EGFLAM: variants seen among roughly 807,000 people sequenced by gnomAD.
EGFLAM encodes pikachurin.
EGFLAM carries 79 observed loss-of-function variants against 113.1 expected under a neutral mutation model. The observed-to-expected ratio is 0.70, with a 90% CI of 0.58 to 0.84. EGFLAM has a LOEUF of 0.84. EGFLAM is among the 40% of genes least tolerant of loss of function. The pLI is 0.00. For synonymous variants in EGFLAM, 504 were observed against 487.6 expected (o/e 1.03, Z -0.44); for missense variants, 1,265 against 1,291.6 (o/e 0.98, Z 0.32).
rs386403622 is a variant in EGFLAM at position 38,375,716 on chromosome 5, G to GA, written c.712+5254_712+5255insA. Among the ~76,000 whole-genome samples the GA allele has an allele frequency of 3.3e-5, 5 of 151,694 alleles. No homozygotes were observed. The East Asian group carries it at 9.7e-4, about 29-fold the overall frequency. On this transcript the variant is annotated intron_variant, in intron 6 of 21. Coordinates refer to ENST00000322350, the MANE Select transcript of EGFLAM (RefSeq NM_152403.4). ...TGTGCTGGTAGTTAATGAAAGCCAG[G>GA]CCCAGTGTTTTCATTAACTGGCACT...
intron 1 of EGFLAM, among the ~76,000 whole-genome samples, chr5:38,281,371 TAA>T (rs5867401): frequency 1.3e-5 from 2 of 151,266 alleles, no homozygotes; most frequent in Non-Finnish European, 2.9e-5. Flanking sequence ...AATAATTTTA[TAA>T]AAAAAAATCA....
intron 17 of EGFLAM, chr5:38,445,567 T>G (rs1297128834): frequency 6.3e-7 from 1 of 1,595,104 alleles, no homozygotes; most frequent in Admixed American, 1.7e-5. Context: ...GGCAGAGCTT[T>G]GTGAGAGAAA....
chr5:38,285,117 A>G (rs1758124402), intron 1 of EGFLAM, among the ~76,000 whole-genome samples: 1 of 152,128 alleles, frequency 6.6e-6, no homozygotes, highest in Admixed American at 6.6e-5. Context: ...TTTATTATAT[A>G]TTTTTTCACT....
At chr5:38,297,130 G>A (rs1234082520) in intron 1 of EGFLAM, among the ~76,000 whole-genome samples, 1 of 152,118 alleles carries the variant, frequency 6.6e-6, no homozygotes, top group Non-Finnish European at 1.5e-5. Flanking sequence ...ACAGAAAAAG[G>A]ACATTAGTGG....
chr5:38,406,980 C>T lies in EGFLAM; in HGVS notation c.981C>T (p.Pro327=), dbSNP rs182403368. The T allele has an allele frequency of 2.5e-6, 4 of 1,614,188 alleles. No individual in the cohort carries two copies. Among genetic ancestry groups the T allele is most frequent in the Non-Finnish European group, 3.4e-6 (4 of 1,180,026 alleles). ...PVTTVAPQPI[P]IQRKGKNGVA... ...CCACGGTGGCTCCCCAGCCCATTCC[C>T]ATACAGAGAAAGGGGAAGAATGGTG... The change falls in exon 8 of 22, where the codon CCC becomes CCT. Residue 327 remains proline (P), a synonymous_variant. Transcript: ENST00000322350.
chr5:38,259,361 G>A (rs1302053488), intron 1 of EGFLAM, among the ~76,000 whole-genome samples: 1 of 152,190 alleles, frequency 6.6e-6, no homozygotes, highest in Non-Finnish European at 1.5e-5. Context: ...CCACTCTGGG[G>A]CCATTTGTTC....
intron 6 of EGFLAM, among the ~76,000 whole-genome samples, chr5:38,376,054 T>C (rs886446316): frequency 6.6e-6 from 1 of 152,062 alleles, no homozygotes. Context: ...CCCATCCTGC[T>C]GTATTTTTTT....
At chr5:38,385,567 T>G (rs2112074022) in intron 6 of EGFLAM, among the ~76,000 whole-genome samples, 1 of 152,198 alleles carries the variant, frequency 6.6e-6, no homozygotes, top group East Asian at 1.9e-4. Flanking sequence ...GTGGGTTAGT[T>G]GAATCTGCAG....
chr5:38,298,457 A>G (rs1758499469), intron 1 of EGFLAM, among the ~76,000 whole-genome samples: 1 of 152,110 alleles, frequency 6.6e-6, no homozygotes, highest in Non-Finnish European at 1.5e-5. Flanking sequence ...CACTTCCACA[A>G]GCCCCAATTC....
intron 6 of EGFLAM, among the ~76,000 whole-genome samples, chr5:38,390,494 G>A (rs1740781433): frequency 6.6e-6 from 1 of 151,300 alleles, no homozygotes; most frequent in African/African-American, 2.5e-5. Flanking sequence ...GTGTACAAGA[G>A]CTTTCTTCAG....
In EGFLAM at chr5:38,338,325, T is replaced by C. The variant is rs529278019; in HGVS notation, c.208-373T>C. Among the ~76,000 whole-genome samples the C allele has an allele frequency of 5.2e-3, 791 of 152,296 alleles. 12 individuals carry two copies. The highest frequency in any genetic ancestry group is 0.018 in the African/African-American group (758 of 41,554). ...CCATTTCACCAAGGGACAGTAGCCG[T>C]TGATCATGGCCCTCATCCTATTGTT... On this transcript the variant is annotated intron_variant, in intron 2 of 21. Transcript: ENST00000322350.
chr5:38,421,378 T>C (rs1450045417), intron 12 of EGFLAM, among the ~76,000 whole-genome samples: 1 of 152,246 alleles, frequency 6.6e-6, no homozygotes, highest in Non-Finnish European at 1.5e-5. Flanking sequence ...CACTCATTTA[T>C]GCCAATCCCA....
rs1742303946 is a variant in EGFLAM, at chr5:38,435,180, G to A, written c.2210G>A (p.Gly737Asp). ...AAGTGCAACACAGACATTTTCATTGGCGGAGTCCCCAATTATGATGATGTG... is the reference window on the plus strand; with the variant it reads ...AAGTGCAACACAGACATTTTCATTGACGGAGTCCCCAATTATGATGATGTG... Reference protein sequence around the residue: ...QIKCNTDIFIGGVPNYDDVKK... With the variant: ...QIKCNTDIFIDGVPNYDDVKK... The change falls in exon 16 of 22, where the codon GGC becomes GAC. Residue 737 changes from glycine to aspartate, a missense_variant. Physicochemically the swap from Gly to Asp is moderately conservative, Grantham distance 94. Coordinates refer to ENST00000322350, the MANE Select transcript of EGFLAM (RefSeq NM_152403.4). 6.2e-7 allele frequency: 1 copy of A among 1,614,090 alleles called. No homozygotes were observed. Among genetic ancestry groups the A allele is most frequent in the Non-Finnish European group, 8.5e-7 (1 of 1,179,998 alleles).
Position 38,418,270 on chromosome 5 carries a change from G to A in EGFLAM, c.1684+15G>A, listed in dbSNP as rs1741717811. ...GGCTGATGTGGGTAAGTGGCTGCCT[G>A]GTGGGTTGGGGTACTCTTATGGGAC... On this transcript the variant is annotated intron_variant, in intron 12 of 21. Transcript: ENST00000322350. The A allele has an allele frequency of 6.2e-7, 1 of 1,613,210 alleles. No individual in the cohort carries two copies. Among genetic ancestry groups the A allele is most frequent in the Non-Finnish European group, 8.5e-7 (1 of 1,179,572 alleles).
intron 17 of EGFLAM, among the ~76,000 whole-genome samples, chr5:38,440,343 G>A (rs1742492887): frequency 6.6e-6 from 1 of 152,158 alleles, no homozygotes; most frequent in Non-Finnish European, 1.5e-5. Context: ...TATATCAGAG[G>A]TATGGCCCCT....
chr5:38,310,545 C>T (rs959492730), intron 1 of EGFLAM, among the ~76,000 whole-genome samples: 1 of 151,986 alleles, frequency 6.6e-6, no homozygotes, highest in Non-Finnish European at 1.5e-5. Context: ...TCCTTTCTTC[C>T]CTCCTACCTT....
At chr5:38,389,915 G>A (rs997905028) in intron 6 of EGFLAM, among the ~76,000 whole-genome samples, 5 of 152,080 alleles carry the variant, frequency 3.3e-5, no homozygotes, top group African/African-American at 1.2e-4. Flanking sequence ...ATTATTGTAG[G>A]TATGGATTTT....
chr5:38,330,858 C>T (rs940184841), intron 1 of EGFLAM, among the ~76,000 whole-genome samples: 2 of 152,142 alleles, frequency 1.3e-5, no homozygotes, highest in African/African-American at 4.8e-5. Flanking sequence ...CTTCGCTTAG[C>T]AATAAATGTG....
At chr5:38,284,604 C>T (rs1758106618) in intron 1 of EGFLAM, among the ~76,000 whole-genome samples, 3 of 152,156 alleles carry the variant, frequency 2.0e-5, no homozygotes, top group Admixed American at 2.0e-4. Flanking sequence ...TTTTGTTTGC[C>T]TGCTCTATGG....
Sources: allele counts gnomAD v4.1 joint callset (sites outside exome capture counted in the v4.1 genomes callset), GRCh38; gene constraint gnomAD v4.1.1; transcripts MANE v1.5; gene names NCBI Gene and HGNC (gene_info 2026-07-23, HGNC 2026-07-21).